RYR2: variants seen among roughly 807,000 people sequenced by gnomAD.
RYR2 encodes the protein cardiac muscle ryanodine receptor-calcium release channel.
A neutral mutation model predicts 601.1 loss-of-function variants in RYR2; 227 were observed. That is an observed-to-expected ratio of 0.38 (90% CI 0.34 to 0.42). The LOEUF is 0.42. Ranked by LOEUF, RYR2 falls within the 10% of genes least tolerant of loss-of-function variation. The pLI, the probability that RYR2 is intolerant of heterozygous loss-of-function variation, is 1.00. For synonymous variants in RYR2, 2,223 were observed against 2,175.1 expected, an observed-to-expected ratio of 1.02 and a Z score of -0.61; for missense variants, 4,646 against 6,156.5, an observed-to-expected ratio of 0.75 and a Z score of 8.21.
chr1:237,813,344 T>C (rs1012560245), intron 100 of RYR2, among the ~76,000 whole-genome samples: 2 of 152,242 alleles, frequency 1.3e-5, no homozygotes, highest in Non-Finnish European at 2.9e-5. Flanking sequence ...CTAAAGGCTA[T>C]GATGCTCAGA....
rs541255925 is a variant in RYR2, at chr1:237,056,514, T to G, written c.48+13945T>G. ...CCTGTGAGGACTGGAGCACTGCACC[T>G]GTGAGGACTGGAGCACTGCGTCTGT... On this transcript the variant is annotated intron_variant, in intron 1 of 104. Transcript: ENST00000366574. 1.9e-3 allele frequency among the ~76,000 whole-genome samples: 276 copies of G among 142,728 alleles called. 2 individuals carry two copies. The highest frequency in any genetic ancestry group is 0.015 in the South Asian group (65 of 4,226). 93.6% of individuals were successfully genotyped at this position (142,728 alleles called of 152,430 possible). A position where few individuals can be genotyped will look rare whatever the true frequency, so the allele number is the denominator to read the frequency against.
intron 25 of RYR2, among the ~76,000 whole-genome samples, chr1:237,538,780 A>C: frequency 6.8e-5 from 1 of 14,814 alleles, no homozygotes; most frequent in East Asian, 9.1e-4. Flanking sequence ...CAATAAAAAA[A>C]ATTAAAAAAA....
chr1:237,419,439 C>T (rs1225406777), intron 11 of RYR2, among the ~76,000 whole-genome samples: 1 of 152,060 alleles, frequency 6.6e-6, no homozygotes, highest in Non-Finnish European at 1.5e-5. Flanking sequence ...TCCTGTCTCT[C>T]TACTGTTGCT....
chr1:237,068,891 T>C (rs917638791), intron 1 of RYR2, among the ~76,000 whole-genome samples: 1 of 152,042 alleles, frequency 6.6e-6, no homozygotes, highest in African/African-American at 2.4e-5. Flanking sequence ...GTGAGCCAGT[T>C]GAGAAAAAAA....
At position 237,744,634 on chromosome 1, in the gene RYR2, C is replaced by A. The variant is rs149830385; in HGVS notation, c.11145+2285C>A. Among the ~76,000 whole-genome samples the A allele has an allele frequency of 2.7e-5, 4 of 150,614 alleles. No individual in the cohort carries two copies. In the East Asian group the frequency reaches 7.8e-4, roughly 29 times the overall value. ...TTGCTCCATTGCACTCCAGCCTGGG[C>A]GACAAGAGTGAAACTCCGTCTCAAC... On this transcript the variant is annotated intron_variant, in intron 80 of 104. Coordinates refer to ENST00000366574, the MANE Select transcript of RYR2 (RefSeq NM_001035.3).
rs191202973 is a variant in RYR2, at chr1:237,520,597, G to A, written c.2822+8806G>A. On this transcript the variant is annotated intron_variant, in intron 24 of 104. Transcript: ENST00000366574. Reference sequence around the variant, plus strand: ...TTGTTGTTGGTTCAGTTTTTGCGACGTATCACATTTATTGATTTGCAGATG... The same window carrying A: ...TTGTTGTTGGTTCAGTTTTTGCGACATATCACATTTATTGATTTGCAGATG... Among the ~76,000 whole-genome samples, 496 of 152,212 alleles carry A rather than the reference G, an allele frequency of 3.3e-3. 2 individuals carry two copies. Among genetic ancestry groups the A allele is most frequent in the Middle Eastern group, 6.8e-3 (2 of 294 alleles).
At chr1:237,654,024 C>A (rs1683008166) in intron 51 of RYR2, among the ~76,000 whole-genome samples, 1 of 152,150 alleles carries the variant, frequency 6.6e-6, no homozygotes, top group Non-Finnish European at 1.5e-5. Context: ...TCTCCTTTGG[C>A]AACCCCCTCA....
At chr1:237,771,207 A>T (rs1694244848) in intron 85 of RYR2, among the ~76,000 whole-genome samples, 1 of 152,062 alleles carries the variant, frequency 6.6e-6, no homozygotes, top group Non-Finnish European at 1.5e-5. Context: ...TAGGAGTCCC[A>T]ATATCAGCCT....
chr1:237,093,677 T>A (rs10157718), intron 1 of RYR2, among the ~76,000 whole-genome samples: 134,355 of 152,090 alleles, frequency 0.88, 60,561 homozygotes, highest in Non-Finnish European at 0.98. Flanking sequence ...GTTAGGAAAA[T>A]CTCAAGGACC....
rs80000896 is a variant in RYR2 at position 237,673,673 on chromosome 1, C to G, written c.8591-423C>G. 1.9e-4 allele frequency among the ~76,000 whole-genome samples: 29 copies of G among 152,316 alleles called. No individual in the cohort carries two copies. In the East Asian group the frequency reaches 5.6e-3, roughly 29 times the overall value. On this transcript the variant is annotated intron_variant, in intron 58 of 104. Transcript: ENST00000366574. Reference sequence around the variant, plus strand: ...CCATATTTAAGACTTTTTCTCTTCTCTCTGTGCGACAGCAGATGAAGCATA... The same window carrying G: ...CCATATTTAAGACTTTTTCTCTTCTGTCTGTGCGACAGCAGATGAAGCATA...
At chr1:237,688,516 G>A (rs563568958) in intron 63 of RYR2, among the ~76,000 whole-genome samples, 1 of 151,794 alleles carries the variant, frequency 6.6e-6, no homozygotes, top group Admixed American at 6.6e-5. Context: ...TGCTATATTT[G>A]GTTTCTAGTA....
chr1:237,491,376 G>GT (rs1663319109), intron 17 of RYR2, among the ~76,000 whole-genome samples: 1 of 151,976 alleles, frequency 6.6e-6, no homozygotes, highest in South Asian at 2.1e-4. Flanking sequence ...TAACCCACCT[G>GT]TCCCCTCCCC....
At chr1:237,377,201 T>C in intron 7 of RYR2, 122 bp from the exon 8 acceptor site, 1 of 644,314 alleles carries the variant, frequency 1.6e-6, no homozygotes, top group Non-Finnish European at 2.6e-6. Flanking sequence ...TTTCATGGTG[T>C]AAGAGATTAA....
At chr1:237,532,143 C>T (rs1459839574) in intron 25 of RYR2, among the ~76,000 whole-genome samples, 8 of 151,930 alleles carry the variant, frequency 5.3e-5, no homozygotes, top group African/African-American at 1.4e-4. Context: ...TATTTTAGTA[C>T]ACAGGTGCTC....
chr1:237,240,071 A>G (rs917429287), intron 1 of RYR2, among the ~76,000 whole-genome samples: 1 of 152,214 alleles, frequency 6.6e-6, no homozygotes, highest in African/African-American at 2.4e-5. Flanking sequence ...TTCGTTTACC[A>G]TATATAGTCT....
intron 34 of RYR2, among the ~76,000 whole-genome samples, chr1:237,596,391 T>G (rs1218335301): frequency 1.3e-5 from 2 of 152,096 alleles, no homozygotes; most frequent in African/African-American, 4.8e-5. Flanking sequence ...AACTCAAGAA[T>G]TCAATAAATG....
chr1:237,070,976 G>C (rs1476209487), intron 1 of RYR2, among the ~76,000 whole-genome samples: 1 of 152,230 alleles, frequency 6.6e-6, no homozygotes, highest in African/African-American at 2.4e-5. Context: ...CTTGTTGCCT[G>C]CAATGTGGTG....
chr1:237,297,917 ATT>A (rs1214422102), intron 2 of RYR2, among the ~76,000 whole-genome samples: 3 of 115,028 alleles, frequency 2.6e-5, no homozygotes, highest in Non-Finnish European at 3.7e-5. Flanking sequence ...TATCTGGCTA[ATT>A]TTTTGTATTT....
chr1:237,604,842 G>A (rs1197764730), intron 35 of RYR2, among the ~76,000 whole-genome samples: 2 of 151,916 alleles, frequency 1.3e-5, no homozygotes, highest in Admixed American at 6.6e-5. Context: ...TAAATTCCTC[G>A]ACACATACAC....
Sources: gnomAD v4.1 joint callset for allele counts (sites outside exome capture counted in the v4.1 genomes callset) on GRCh38, gnomAD v4.1.1 for gene constraint, MANE v1.5 for transcripts, NCBI Gene and HGNC (gene_info 2026-07-23, HGNC 2026-07-21) for gene names.